SEMA5A: variants seen among roughly 807,000 people sequenced by gnomAD.
The protein encoded by SEMA5A is semaphorin 5A, also known as semaphorin-5A.
Under a neutral mutation model 135.5 loss-of-function variants are expected in SEMA5A, and 55 were observed. That is an observed-to-expected ratio of 0.41 (90% CI 0.33 to 0.51). The LOEUF is 0.51. Ranked by LOEUF, SEMA5A falls within the 20% of genes least tolerant of loss-of-function variation. The pLI is 0.37. For synonymous variants in SEMA5A, 580 were observed against 546.5 expected, an observed-to-expected ratio of 1.06 and a Z score of -0.85; for missense variants, 1,290 against 1,419.9, an observed-to-expected ratio of 0.91 and a Z score of 1.47.
At chr5:9,473,384 A>T (rs112476585) in intron 1 of SEMA5A, among the ~76,000 whole-genome samples, 5 of 1,732 alleles carry the variant, frequency 2.9e-3, no homozygotes, top group African/African-American at 0.011. Flanking sequence ...AATCAGTGGT[A>T]AAAAAAAAAA....
intron 4 of SEMA5A, among the ~76,000 whole-genome samples, chr5:9,319,919 G>A (rs1052013299): frequency 6.6e-6 from 1 of 152,164 alleles, no homozygotes; most frequent in African/African-American, 2.4e-5. Context: ...ATAGCCTTGA[G>A]ATGACCAAGA....
intron 1 of SEMA5A, among the ~76,000 whole-genome samples, chr5:9,488,861 A>G: frequency 6.6e-6 from 1 of 152,214 alleles, no homozygotes; most frequent in Non-Finnish European, 1.5e-5. Flanking sequence ...TTCTGAATCG[A>G]GCATATTTTA....
intron 5 of SEMA5A, among the ~76,000 whole-genome samples, chr5:9,299,933 G>GAAA (rs1751529993): frequency 1.3e-5 from 2 of 152,112 alleles, no homozygotes; most frequent in Non-Finnish European, 2.9e-5. Flanking sequence ...AGAGCCAGAA[G>GAAA]TTCCCAATGC....
At chr5:9,237,920 A>G in intron 5 of SEMA5A, 30 bp from the exon 6 acceptor site, 1 of 1,607,758 alleles carries the variant, frequency 6.2e-7, no homozygotes, top group East Asian at 2.2e-5. Context: ...AATAGCAGTC[A>G]TGGTTTTGAC....
chr5:9,297,506 T>G (rs1282407219), intron 5 of SEMA5A, among the ~76,000 whole-genome samples: 1 of 152,150 alleles, frequency 6.6e-6, no homozygotes, highest in African/African-American at 2.4e-5. Context: ...GGTGCCTTGT[T>G]CCTGGACTTT....
intron 5 of SEMA5A, among the ~76,000 whole-genome samples, chr5:9,243,389 C>T (rs1356455413): frequency 6.6e-6 from 1 of 152,072 alleles, no homozygotes; most frequent in Non-Finnish European, 1.5e-5. Context: ...GGATTAAGGC[C>T]CACTGTATTC....
chr5:9,413,972 C>G (rs897278378), intron 2 of SEMA5A, among the ~76,000 whole-genome samples: 3 of 152,142 alleles, frequency 2.0e-5, no homozygotes, highest in African/African-American at 7.2e-5. Flanking sequence ...GTAAATAAAA[C>G]TCATCAGAGA....
At chr5:9,347,707 G>A (rs1753938112) in intron 3 of SEMA5A, among the ~76,000 whole-genome samples, 1 of 152,208 alleles carries the variant, frequency 6.6e-6, no homozygotes, top group African/African-American at 2.4e-5. Flanking sequence ...GAGGCAGCTG[G>A]TGATCAAGGC....
intron 4 of SEMA5A, among the ~76,000 whole-genome samples, chr5:9,322,652 T>C (rs1363923239): frequency 2.0e-5 from 3 of 152,154 alleles, no homozygotes; most frequent in Admixed American, 6.5e-5. Context: ...AATTTATAGA[T>C]GAGAAAACTT....
At chr5:9,370,837 C>T (rs1755106177) in intron 3 of SEMA5A, among the ~76,000 whole-genome samples, 1 of 152,140 alleles carries the variant, frequency 6.6e-6, no homozygotes. Flanking sequence ...AAGATACTGC[C>T]TAATTAAAAC....
chr5:9,095,343 C>G (rs549317134), intron 16 of SEMA5A, among the ~76,000 whole-genome samples: 1 of 152,122 alleles, frequency 6.6e-6, no homozygotes, highest in East Asian at 1.9e-4. Context: ...ACGTGTATAC[C>G]TATGTAACAA....
Position 9,227,581 on chromosome 5 carries a change from C to T in SEMA5A, c.334-614G>A, listed in dbSNP as rs139846958. On this transcript the variant is annotated intron_variant, in intron 6 of 22. Coordinates refer to ENST00000382496, the MANE Select transcript of SEMA5A (RefSeq NM_003966.3). ...TTTTTTTTTTTTTGAGACGGAGTCT[C>T]GCTCTGTCGCCCAGGCTGGAGTGCC... 1.2e-3 allele frequency among the ~76,000 whole-genome samples: 182 copies of T among 146,282 alleles called. 3 individuals are homozygous for T. Among genetic ancestry groups the T allele is most frequent in the African/African-American group, 4.4e-3 (172 of 39,310 alleles).
chr5:9,495,553 T>C (rs763199225), intron 1 of SEMA5A, among the ~76,000 whole-genome samples: 4 of 152,112 alleles, frequency 2.6e-5, no homozygotes, highest in Non-Finnish European at 4.4e-5. Flanking sequence ...CCCTCGAATA[T>C]GAAGGAACAA....
chr5:9,126,913 C>T (rs1159096401), intron 13 of SEMA5A, among the ~76,000 whole-genome samples: 1 of 152,182 alleles, frequency 6.6e-6, no homozygotes, highest in Non-Finnish European at 1.5e-5. Context: ...TTACCTGAAT[C>T]TGTGGTAACC....
At chr5:9,196,024 A>G (rs1199271449) in intron 10 of SEMA5A, among the ~76,000 whole-genome samples, 4 of 152,222 alleles carry the variant, frequency 2.6e-5, no homozygotes, top group Non-Finnish European at 5.9e-5. Context: ...GCACATGGAG[A>G]AGGCATTACC....
chr5:9,162,630 T>G (rs946788290), intron 11 of SEMA5A, among the ~76,000 whole-genome samples: 6 of 142,212 alleles, frequency 4.2e-5, no homozygotes, highest in Non-Finnish European at 9.0e-5. Context: ...ATGTAAGAAA[T>G]GCAGTCGATT....
chr5:9,337,713 C>T lies in SEMA5A; in HGVS notation c.224G>A (p.Arg75Lys). 2 of 1,604,048 alleles carry T rather than the reference C, an allele frequency of 1.2e-6. No individual in the cohort carries two copies. The highest frequency in any genetic ancestry group is 1.7e-6 in the Non-Finnish European group (2 of 1,172,414). Reference protein sequence around the residue: ...PGQKELVVGARNYLFRLQLED... With the variant: ...PGQKELVVGAKNYLFRLQLED... ...GGTGGCAAAATACAATATCTCTCAC[C>T]TTGCTCCTACAACAAGTTCTTTCTG... Residue 75 changes from arginine to lysine, a missense_variant and splice_region_variant, in exon 4 of 23, where the codon AGA (arginine) becomes AAA (lysine). Physicochemically the swap from Arg to Lys is conservative, Grantham distance 26. Coordinates refer to ENST00000382496, the MANE Select transcript of SEMA5A (RefSeq NM_003966.3).
At position 9,202,105 on chromosome 5, in the gene SEMA5A, C is replaced by T. The variant is rs762733777; in HGVS notation, c.782G>A (p.Arg261His). The T allele has an allele frequency of 8.7e-6, 14 of 1,614,088 alleles. No homozygotes were observed. Among genetic ancestry groups the T allele is most frequent in the Admixed American group, 5.0e-5 (3 of 60,008 alleles). Residue 261 changes from arginine (R) to histidine (H), a missense_variant, in exon 9 of 23, where the codon CGC becomes CAC. Arg to His is a conservative substitution (Grantham distance 29). This residue lies in a region of SEMA5A where 145 missense variants were observed against 212.0 expected (regional missense o/e 0.68). Coordinates refer to ENST00000382496, the MANE Select transcript of SEMA5A (RefSeq NM_003966.3). ...ARVCKNDIGGRFLLEDTWTTF... is the reference protein window; with the variant it reads ...ARVCKNDIGGHFLLEDTWTTF... Reference sequence around the variant, plus strand: ...GGTCCAGGTGTCTTCCAGCAGGAAGCGCCCACCAATATCGTTCTTGCACAC... The same window carrying T: ...GGTCCAGGTGTCTTCCAGCAGGAAGTGCCCACCAATATCGTTCTTGCACAC...
intron 16 of SEMA5A, among the ~76,000 whole-genome samples, chr5:9,069,660 A>ACATCAT (rs2150079251): frequency 6.6e-6 from 1 of 152,280 alleles, no homozygotes; most frequent in South Asian, 2.1e-4. Flanking sequence ...GAAAATATGT[A>ACATCAT]AGGCGATCAT....
Sources: allele counts gnomAD v4.1 joint callset (sites outside exome capture counted in the v4.1 genomes callset), GRCh38; gene constraint gnomAD v4.1.1; regional missense constraint gnomAD v4.1.1; transcripts MANE v1.5; gene names NCBI Gene and HGNC (gene_info 2026-07-23, HGNC 2026-07-21).